The following SNTG1 variants were observed in gnomAD, a reference collection of about 807,000 sequenced individuals.
SNTG1 encodes the protein syntrophin gamma 1, also known as gamma-1-syntrophin.
In SNTG1, 39 loss-of-function variants were observed where a neutral mutation model predicts 74.7. That is an observed-to-expected ratio of 0.52 (90% CI 0.40 to 0.68). The LOEUF is 0.68. Ranked by LOEUF, SNTG1 falls within the 30% of genes least tolerant of loss-of-function variation. The pLI is 0.00. For missense variants in SNTG1, 685 were observed against 609.5 expected (o/e 1.12, Z -1.30); for synonymous variants, 254 against 217.1 (o/e 1.17, Z -1.49).
At chr8:50,708,514 AAAATGGTTGGCTACAGT>A (rs1242747936) in intron 16 of SNTG1, 1 of 177,394 alleles carries the variant, frequency 5.6e-6, no homozygotes, top group Non-Finnish European at 1.2e-5. Flanking sequence ...TAGTTTAATG[AAAATGGTTGGCTACAGT>A]AAATAACAAC....
At chr8:50,311,535 C>T (rs2090114154) in intron 2 of SNTG1, among the ~76,000 whole-genome samples, 1 of 152,184 alleles carries the variant, frequency 6.6e-6, no homozygotes, top group Non-Finnish European at 1.5e-5. Flanking sequence ...CTTTTACATA[C>T]AAACGTCTTA....
chr8:50,726,424 A>G (rs1386336498), intron 17 of SNTG1, among the ~76,000 whole-genome samples: 1 of 152,206 alleles, frequency 6.6e-6, no homozygotes, highest in African/African-American at 2.4e-5. Flanking sequence ...GGGAGCGCTC[A>G]AGTGGGGCCC....
chr8:49,971,812 A>T (rs576446168), intron 1 of SNTG1, among the ~76,000 whole-genome samples: 8 of 152,128 alleles, frequency 5.3e-5, no homozygotes, highest in Non-Finnish European at 8.8e-5. Context: ...TTACAAGGGA[A>T]GTGAAGGACC....
intron 1 of SNTG1, among the ~76,000 whole-genome samples, chr8:49,958,976 A>G (rs965174573): frequency 2.0e-5 from 3 of 152,226 alleles, no homozygotes; most frequent in East Asian, 3.8e-4. Flanking sequence ...ATAAAATTAC[A>G]TGCTTTTTGA....
chr8:50,417,060 T>C (rs1054514783), intron 4 of SNTG1, among the ~76,000 whole-genome samples: 3 of 152,164 alleles, frequency 2.0e-5, no homozygotes, highest in African/African-American at 7.2e-5. Context: ...AAATTCTAGG[T>C]GGTTTTAAAC....
intron 13 of SNTG1, among the ~76,000 whole-genome samples, chr8:50,612,283 T>C (rs1297430498): frequency 6.6e-6 from 1 of 152,186 alleles, no homozygotes; most frequent in Non-Finnish European, 1.5e-5. Flanking sequence ...CTTTTACACA[T>C]TCTTCATGCA....
chr8:50,441,480 A>T (rs1406823425), intron 5 of SNTG1, among the ~76,000 whole-genome samples: 3 of 152,174 alleles, frequency 2.0e-5, no homozygotes, highest in Non-Finnish European at 4.4e-5. Flanking sequence ...GCTAGATATG[A>T]TGCAGACCAC....
At chr8:50,724,525 T>C (rs1179287134) in intron 17 of SNTG1, among the ~76,000 whole-genome samples, 1 of 152,178 alleles carries the variant, frequency 6.6e-6, no homozygotes, top group Non-Finnish European at 1.5e-5. Context: ...GACTGTTATC[T>C]CTAAAATATA....
At chr8:50,054,714 C>G (rs1229744022) in intron 1 of SNTG1, among the ~76,000 whole-genome samples, 1 of 152,056 alleles carries the variant, frequency 6.6e-6, no homozygotes, top group East Asian at 1.9e-4. Flanking sequence ...CTCCGTTCCC[C>G]AAGCTAGAGT....
chr8:49,952,812 T>C (rs141218702), intron 1 of SNTG1, among the ~76,000 whole-genome samples: 2,319 of 152,300 alleles, frequency 0.015, 28 homozygotes, highest in South Asian at 0.034. Flanking sequence ...ACTTAATAGG[T>C]AATCATAAGA....
chr8:50,270,916 C>T (rs1586911819), intron 2 of SNTG1, among the ~76,000 whole-genome samples: 2 of 152,150 alleles, frequency 1.3e-5, no homozygotes, highest in African/African-American at 4.8e-5. Context: ...CAGCTGTTTG[C>T]GATGCCTTTG....
chr8:50,362,643 G>A (rs2091992354), intron 2 of SNTG1, among the ~76,000 whole-genome samples: 2 of 151,856 alleles, frequency 1.3e-5, no homozygotes, highest in Non-Finnish European at 2.9e-5. Context: ...TGTAAGGCTA[G>A]AATTTAGTAT....
At chr8:49,926,697 T>C (rs1807060609) in intron 1 of SNTG1, among the ~76,000 whole-genome samples, 1 of 152,142 alleles carries the variant, frequency 6.6e-6, no homozygotes, top group Non-Finnish European at 1.5e-5. Context: ...ACTTTTTGGA[T>C]GTAACATCAA....
intron 1 of SNTG1, among the ~76,000 whole-genome samples, chr8:50,107,807 G>A (rs561367749): frequency 2.0e-5 from 3 of 151,884 alleles, no homozygotes; most frequent in South Asian, 2.1e-4. Flanking sequence ...CACCTAAGCC[G>A]CCCAAAGTGC....
chr8:50,000,791 G>A (rs1814670928), intron 1 of SNTG1, among the ~76,000 whole-genome samples: 1 of 152,134 alleles, frequency 6.6e-6, no homozygotes, highest in Non-Finnish European at 1.5e-5. Context: ...ATTCTTGCTA[G>A]AGTCCTATAG....
chr8:50,443,239 C>T (rs772723261), intron 5 of SNTG1, among the ~76,000 whole-genome samples: 1 of 152,136 alleles, frequency 6.6e-6, no homozygotes, highest in Non-Finnish European at 1.5e-5. Flanking sequence ...TACTATCTAG[C>T]TGCACATTAT....
intron 2 of SNTG1, among the ~76,000 whole-genome samples, chr8:50,266,149 A>G (rs913624135): frequency 4.6e-5 from 7 of 152,102 alleles, no homozygotes. Flanking sequence ...AGTTAACAGA[A>G]CAAAGTTGGA....
At chr8:50,755,311 C>T (rs1353353826) in intron 18 of SNTG1, among the ~76,000 whole-genome samples, 1 of 151,708 alleles carries the variant, frequency 6.6e-6, no homozygotes, top group Non-Finnish European at 1.5e-5. Context: ...AACTTGTCTC[C>T]GTACTTTTTC....
chr8:50,210,186 T>C (rs2084448793), intron 2 of SNTG1, among the ~76,000 whole-genome samples: 1 of 151,324 alleles, frequency 6.6e-6, no homozygotes, highest in African/African-American at 2.4e-5. Context: ...GAAAAAAGAG[T>C]AAAAAGAAAC....
Sources: allele counts gnomAD v4.1 joint callset (sites outside exome capture counted in the v4.1 genomes callset), GRCh38; gene constraint gnomAD v4.1.1; transcripts MANE v1.5; gene names NCBI Gene and HGNC (gene_info 2026-07-23, HGNC 2026-07-21).